Variants in MIS18BP1 observed in about 807,000 individuals in gnomAD.
MIS18BP1 encodes the protein mis18-binding protein 1.
Under a neutral mutation model 116.1 loss-of-function variants are expected in MIS18BP1, and 72 were observed. The observed-to-expected ratio is 0.62, with a 90% CI of 0.51 to 0.75. MIS18BP1 has a LOEUF of 0.75. Ranked by LOEUF, MIS18BP1 falls within the 30% of genes least tolerant of loss-of-function variation. MIS18BP1 has a pLI of 0.00. For synonymous variants in MIS18BP1, 386 were observed against 427.0 expected (o/e 0.90, Z 1.18); for missense variants, 1,363 against 1,303.2 (o/e 1.05, Z -0.71).
At chr14:45,221,208 G>T (rs905574020) in intron 11 of MIS18BP1, among the ~76,000 whole-genome samples, 1 of 152,008 alleles carries the variant, frequency 6.6e-6, no homozygotes, top group African/African-American at 2.4e-5. Flanking sequence ...GGAGGCCAAG[G>T]CGGGAGGATC....
chr14:45,224,366 A>G lies in MIS18BP1; in HGVS notation c.2221T>C (p.Phe741Leu). 6.2e-7 allele frequency: 1 copy of G among 1,613,552 alleles called. No individual in the cohort carries two copies. The highest frequency in any genetic ancestry group is 8.5e-7 in the Non-Finnish European group (1 of 1,179,862). ...GGTAATAGTCTGGTATTTTTCTTAAAGTCAGAGGTGAGCATTTGTTCCTTT... is the reference window on the plus strand; with the variant it reads ...GGTAATAGTCTGGTATTTTTCTTAAGGTCAGAGGTGAGCATTTGTTCCTTT... ...LEKEQMLTSD[F>L]KKNTRLLPKL... is the part of the protein sequence containing the mutation. The change falls in exon 11 of 17, where the codon TTT becomes CTT. Residue 741 changes from phenylalanine (F) to leucine (L), a missense_variant. Physicochemically the swap from Phe to Leu is conservative, Grantham distance 22. Coordinates refer to ENST00000310806, the MANE Select transcript of MIS18BP1 (RefSeq NM_018353.5).
chr14:45,252,100 C>T (rs1001853856), intron 1 of MIS18BP1, among the ~76,000 whole-genome samples: 1 of 152,040 alleles, frequency 6.6e-6, no homozygotes, highest in Non-Finnish European at 1.5e-5. Context: ...AGTAAGCTGC[C>T]CAAGGTCACT....
At chr14:45,237,171 C>T (rs1384381590) in intron 5 of MIS18BP1, among the ~76,000 whole-genome samples, 2 of 152,104 alleles carry the variant, frequency 1.3e-5, no homozygotes, top group Non-Finnish European at 2.9e-5. Context: ...AGCCCACTTA[C>T]CTGGTGATGC....
At chr14:45,235,248 G>A (rs4900665) in intron 6 of MIS18BP1, among the ~76,000 whole-genome samples, 11,851 of 148,026 alleles carry the variant, frequency 0.08, 605 homozygotes, top group South Asian at 0.16. Flanking sequence ...TAACACTTCT[G>A]TATCCATTCC....
In MIS18BP1 at chr14:45,235,796, A is replaced by G. The variant is rs775074722; in HGVS notation, c.1348+18T>C. On this transcript the variant is annotated intron_variant, in intron 6 of 16. Coordinates refer to ENST00000310806, the MANE Select transcript of MIS18BP1 (RefSeq NM_018353.5). ...CTTTACTTCTTAAAATAACTTATCA[A>G]TAATGACAGTCATTTACCTGCTTCT... 8 of 1,578,822 alleles carry G rather than the reference A, an allele frequency of 5.1e-6. No homozygotes were observed. The South Asian group carries it at 9.3e-5, about 18-fold the overall frequency.
intron 8 of MIS18BP1, among the ~76,000 whole-genome samples, chr14:45,229,200 T>C (rs1891209227): frequency 1.3e-5 from 2 of 152,080 alleles, no homozygotes; most frequent in South Asian, 4.1e-4. Flanking sequence ...CCAGGGTTCA[T>C]GGAAAGCACT....
chr14:45,227,911 T>C (rs1465789599), intron 8 of MIS18BP1, 97 bp from the exon 9 acceptor site: 2 of 1,247,198 alleles, frequency 1.6e-6, no homozygotes, highest in East Asian at 2.4e-5. Flanking sequence ...GTGTGGTGGC[T>C]CACGCCTGTA....
chr14:45,247,376 A>G lies in MIS18BP1; in HGVS notation c.-90T>C. 1 of 1,105,788 alleles carries G rather than the reference A, an allele frequency of 9.0e-7. No homozygotes were observed. The highest frequency in any genetic ancestry group is 1.3e-6 in the Non-Finnish European group (1 of 791,034). The allele number at this position is 1,105,788 out of a possible 1,614,324, so 68.5% of individuals were successfully genotyped here. On this transcript the variant is annotated splice_region_variant and 5_prime_UTR_variant, in exon 2 of 17. Coordinates refer to ENST00000310806, the MANE Select transcript of MIS18BP1 (RefSeq NM_018353.5). ...AGAACTTCAGAAGGGATCCACAGAA[A>G]CCTGTAGTTCAACGTAAAATCAGCC...
chr14:45,252,866 G>A (rs900183415), intron 1 of MIS18BP1, among the ~76,000 whole-genome samples, 169 bp downstream of exon 1: 3 of 152,076 alleles, frequency 2.0e-5, no homozygotes, highest in Non-Finnish European at 4.4e-5. Flanking sequence ...AAGTACAGTA[G>A]ACACGCAACA....
In MIS18BP1 at chr14:45,227,756, G is replaced by A. The variant is rs115228944; in HGVS notation, c.1653C>T (p.His551=). Reference sequence around the variant, plus strand: ...ATGTTGGTTTATTTTGGCAATTACTGTGGCACATGTTTAATTCTGTAGCTC... The same window carrying A: ...ATGTTGGTTTATTTTGGCAATTACTATGGCACATGTTTAATTCTGTAGCTC... ...SPGATELNMC[H]SNCQNKPTLR... The change falls in exon 9 of 17, where the codon CAC becomes CAT. Residue 551 remains histidine, a synonymous_variant. Coordinates refer to ENST00000310806, the MANE Select transcript of MIS18BP1 (RefSeq NM_018353.5). 2,425 of 1,613,838 alleles carry A rather than the reference G, an allele frequency of 1.5e-3. 30 individuals are homozygous for A. The African/African-American group carries it at 0.026, about 17-fold the overall frequency.
intron 1 of MIS18BP1, among the ~76,000 whole-genome samples, chr14:45,250,618 G>GA (rs763073295): frequency 1.3e-5 from 2 of 152,196 alleles, no homozygotes; most frequent in South Asian, 2.1e-4. Context: ...AAGTTGTTTG[G>GA]AAAAATCTAA....
intron 8 of MIS18BP1, among the ~76,000 whole-genome samples, chr14:45,228,568 A>C (rs1451471814): frequency 6.6e-6 from 1 of 152,220 alleles, no homozygotes; most frequent in Non-Finnish European, 1.5e-5. Flanking sequence ...AGCAAAACTA[A>C]ATTATACAGT....
At chr14:45,232,467 A>C (rs962085529) in intron 7 of MIS18BP1, 2 of 313,688 alleles carry the variant, frequency 6.4e-6, no homozygotes, top group Non-Finnish European at 1.2e-5. Flanking sequence ...CATTTCAAAC[A>C]AATACCTAAA....
Position 45,229,297 on chromosome 14 carries a change from G to A in MIS18BP1, c.1595-1483C>T, listed in dbSNP as rs141464276. On this transcript the variant is annotated intron_variant, in intron 8 of 16. Coordinates refer to ENST00000310806, the MANE Select transcript of MIS18BP1 (RefSeq NM_018353.5). ...AAGGTGGGAGGACTGCTTGAGGCCA[G>A]GAGTAGGAGACCAGCCTGGCAACAT... Among the ~76,000 whole-genome samples the A allele has an allele frequency of 9.1e-3, 1,386 of 152,148 alleles. 24 individuals are homozygous for A. The highest frequency in any genetic ancestry group is 0.03 in the African/African-American group (1,247 of 41,510).
In MIS18BP1 at chr14:45,235,804, A is replaced by C; in HGVS notation, c.1348+10T>G. 1.3e-6 allele frequency: 2 copies of C among 1,584,982 alleles called. No individual in the cohort carries two copies. The highest frequency in any genetic ancestry group is 1.7e-6 in the Non-Finnish European group (2 of 1,168,366). On this transcript the variant is annotated intron_variant, in intron 6 of 16. Coordinates refer to ENST00000310806, the MANE Select transcript of MIS18BP1 (RefSeq NM_018353.5). ...CTTAAAATAACTTATCAATAATGACAGTCATTTACCTGCTTCTTTCATGGA... is the reference window on the plus strand; with the variant it reads ...CTTAAAATAACTTATCAATAATGACCGTCATTTACCTGCTTCTTTCATGGA...
In MIS18BP1 at chr14:45,232,727, T is replaced by A. The variant is rs1204388491; in HGVS notation, c.1436+6A>T. ...TGACTTCTAAAAACATAAAACAACATTTTACCTTAATTGTTCCAGAAAATT... is the reference window on the plus strand; with the variant it reads ...TGACTTCTAAAAACATAAAACAACAATTTACCTTAATTGTTCCAGAAAATT... On this transcript the variant is annotated splice_donor_region_variant and intron_variant, in intron 7 of 16. Transcript: ENST00000310806. 1 of 1,398,840 alleles carries A rather than the reference T, an allele frequency of 7.1e-7. No homozygotes were observed. Among genetic ancestry groups the A allele is most frequent in the Middle Eastern group, 1.9e-4 (1 of 5,160 alleles). The allele number at this position is 1,398,840 out of a possible 1,614,324, so 86.7% of individuals were successfully genotyped here.
chr14:45,239,177 T>A (rs1891507713), intron 4 of MIS18BP1, among the ~76,000 whole-genome samples: 1 of 152,104 alleles, frequency 6.6e-6, no homozygotes, highest in African/African-American at 2.4e-5. Flanking sequence ...CTACACACTG[T>A]TTTAGATAGT....
At chr14:45,218,519 G>T in intron 11 of MIS18BP1, 65 bp from the exon 12 acceptor site, 1 of 1,387,808 alleles carries the variant, frequency 7.2e-7, no homozygotes, top group Non-Finnish European at 9.7e-7. Context: ...CCTCTTAAAA[G>T]CATAACACTG....
intron 10 of MIS18BP1, among the ~76,000 whole-genome samples, chr14:45,225,867 A>ATGAC (rs1891110632): frequency 6.6e-6 from 1 of 152,208 alleles, no homozygotes. Context: ...TGTTTACAAG[A>ATGAC]TGACTGACAG....
Sources: gnomAD v4.1 joint callset for allele counts (sites outside exome capture counted in the v4.1 genomes callset) on GRCh38, gnomAD v4.1.1 for gene constraint, MANE v1.5 for transcripts, NCBI Gene and HGNC (gene_info 2026-07-23, HGNC 2026-07-21) for gene names.